RABGAP1L: variants seen among roughly 807,000 people sequenced by gnomAD.
RABGAP1L encodes RAB GTPase activating protein 1 like.
Under a neutral mutation model 137.7 loss-of-function variants are expected in RABGAP1L, and 63 were observed. That is an observed-to-expected ratio of 0.46 (90% CI 0.37 to 0.56). The LOEUF (loss-of-function observed/expected upper bound fraction) is 0.56, where lower values mean the gene tolerates loss of function less well. Among genes scored for constraint, RABGAP1L ranks in the 20% least tolerant of loss-of-function variants. The pLI is 0.00. For synonymous variants in RABGAP1L, 431 were observed against 433.7 expected (o/e 0.99, Z 0.08); for missense variants, 1,095 against 1,244.0 (o/e 0.88, Z 1.80).
intron 19 of RABGAP1L, among the ~76,000 whole-genome samples, chr1:174,913,522 G>C (rs1362546397): frequency 6.6e-6 from 1 of 152,230 alleles, no homozygotes; most frequent in East Asian, 1.9e-4. Flanking sequence ...AGGTAAATAT[G>C]TTTAGCAAAG....
At chr1:174,630,150 A>G (rs977244874) in intron 13 of RABGAP1L, among the ~76,000 whole-genome samples, 1 of 151,550 alleles carries the variant, frequency 6.6e-6, no homozygotes, top group African/African-American at 2.4e-5. Context: ...TATTGAGATA[A>G]TCGTGGTTTT....
chr1:174,619,799 TA>T (rs1363638868), intron 13 of RABGAP1L, among the ~76,000 whole-genome samples: 1 of 152,176 alleles, frequency 6.6e-6, no homozygotes, highest in Non-Finnish European at 1.5e-5. Context: ...ATATTAACTT[TA>T]CATGTAAATG....
chr1:174,800,298 C>T (rs931510722), intron 18 of RABGAP1L: 70 of 1,537,706 alleles, frequency 4.6e-5, no homozygotes, highest in Non-Finnish European at 5.7e-5. Context: ...GATAAGAGAT[C>T]CATCTTTCTC....
intron 14 of RABGAP1L, among the ~76,000 whole-genome samples, chr1:174,671,640 A>G (rs1677183319): frequency 6.6e-6 from 1 of 152,146 alleles, no homozygotes. Context: ...TCATCCTTGC[A>G]TCCCTGGGAT....
intron 1 of RABGAP1L, among the ~76,000 whole-genome samples, chr1:174,202,345 A>G (rs1340324539): frequency 3.3e-5 from 5 of 152,156 alleles, no homozygotes; most frequent in Non-Finnish European, 7.3e-5. Flanking sequence ...TTCCCATTCT[A>G]ACTGGTGTGA....
intron 18 of RABGAP1L, among the ~76,000 whole-genome samples, chr1:174,766,620 C>T (rs529403369): frequency 6.6e-6 from 1 of 152,286 alleles, no homozygotes; most frequent in South Asian, 2.1e-4. Flanking sequence ...TTGTCAGTTT[C>T]TGCCAAAAAG....
chr1:174,823,736 T>G (rs1299004081), intron 19 of RABGAP1L, among the ~76,000 whole-genome samples: 1 of 152,182 alleles, frequency 6.6e-6, no homozygotes, highest in Non-Finnish European at 1.5e-5. Context: ...AATTGACACA[T>G]GTTTGAGGTG....
intron 13 of RABGAP1L, among the ~76,000 whole-genome samples, chr1:174,540,287 C>G (rs1005225249): frequency 7.9e-5 from 12 of 152,124 alleles, no homozygotes; most frequent in Non-Finnish European, 1.5e-4. Flanking sequence ...TGCAGAAGCT[C>G]TTTAGTTTAA....
chr1:174,336,458 G>A (rs980762629), intron 11 of RABGAP1L, among the ~76,000 whole-genome samples: 2 of 152,296 alleles, frequency 1.3e-5, no homozygotes, highest in Non-Finnish European at 2.9e-5. Context: ...AAAGGAACTA[G>A]AGGATATAGA....
chr1:174,720,641 GA>G (rs1681449528), intron 17 of RABGAP1L, among the ~76,000 whole-genome samples: 1 of 152,036 alleles, frequency 6.6e-6, no homozygotes, highest in South Asian at 2.1e-4. Flanking sequence ...ACTTATAAAA[GA>G]ATGAAGTTGC....
intron 11 of RABGAP1L, among the ~76,000 whole-genome samples, chr1:174,350,190 C>T (rs1682996404): frequency 2.4e-5 from 1 of 42,422 alleles, no homozygotes; most frequent in Non-Finnish European, 4.2e-5. Context: ...GGGGGGCTGA[C>T]CCCCCCCCCA....
At chr1:174,616,881 A>G (rs1017103364) in intron 13 of RABGAP1L, among the ~76,000 whole-genome samples, 1 of 152,182 alleles carries the variant, frequency 6.6e-6, no homozygotes, top group African/African-American at 2.4e-5. Context: ...TATGTTCTGA[A>G]AAAGCATCTC....
At position 174,448,549 on chromosome 1, in the gene RABGAP1L, T is replaced by C; in HGVS notation, c.1710+54404T>C. 3 of 1,612,858 alleles carry C rather than the reference T, an allele frequency of 1.9e-6. No homozygotes were observed. Among genetic ancestry groups the C allele is most frequent in the Non-Finnish European group, 2.5e-6 (3 of 1,179,190 alleles). On this transcript the variant is annotated intron_variant, in intron 13 of 25. Coordinates refer to ENST00000681986, the MANE Select transcript of RABGAP1L (RefSeq NM_001366446.1). This position sits in a 1 kb window ranked among gnomAD's most constrained non-coding sequence, Gnocchi z 4.2. ...ATCGTTATCTTGCAATAACCAAGCC[T>C]CTTTCCTACAATCAACTGGTCACCC...
rs547302270 is a variant in RABGAP1L, at chr1:174,502,574, C to T, written c.1710+108429C>T. On this transcript the variant is annotated intron_variant, in intron 13 of 25. Coordinates refer to ENST00000681986, the MANE Select transcript of RABGAP1L (RefSeq NM_001366446.1). ...CAGAGATAATGCAGAAGAAAGTACA[C>T]GGTATATATATATATATATATATGT... 7.4e-4 allele frequency among the ~76,000 whole-genome samples: 50 copies of T among 67,988 alleles called. 1 individual carries two copies. The Admixed American group carries it at 7.6e-3, about 10-fold the overall frequency. The allele number at this position is 67,988 out of a possible 152,430, so 44.6% of individuals were successfully genotyped here. A position where few individuals can be genotyped will look rare whatever the true frequency, so the allele number is the denominator to read the frequency against.
chr1:174,476,459 A>T (rs185922751), intron 13 of RABGAP1L, among the ~76,000 whole-genome samples: 9 of 152,330 alleles, frequency 5.9e-5, no homozygotes, highest in Admixed American at 5.9e-4. Flanking sequence ...TATTAAAGTA[A>T]AAGACAAAAC....
intron 11 of RABGAP1L, among the ~76,000 whole-genome samples, chr1:174,323,886 T>C (rs1350307680): frequency 6.6e-6 from 1 of 152,156 alleles, no homozygotes; most frequent in African/African-American, 2.4e-5. Flanking sequence ...GAAAAGGTAT[T>C]TTATGATCCA....
intron 13 of RABGAP1L, among the ~76,000 whole-genome samples, chr1:174,514,260 A>C (rs1407879747): frequency 2.0e-5 from 3 of 151,122 alleles, no homozygotes; most frequent in Non-Finnish European, 4.4e-5. Flanking sequence ...AAAAAAAAAA[A>C]AAAAAAAAAA....
At chr1:174,880,710 C>A (rs547699070) in intron 19 of RABGAP1L, among the ~76,000 whole-genome samples, 26 of 152,026 alleles carry the variant, frequency 1.7e-4, no homozygotes, top group Non-Finnish European at 8.8e-5. Flanking sequence ...CCACCTCAGC[C>A]TCTCCTGAGT....
intron 13 of RABGAP1L, among the ~76,000 whole-genome samples, chr1:174,460,446 A>G (rs1406816047): frequency 6.6e-6 from 1 of 152,024 alleles, no homozygotes; most frequent in Non-Finnish European, 1.5e-5. Flanking sequence ...GGCTTTTTCT[A>G]AAGGATTTTT....
Sources: allele counts gnomAD v4.1 joint callset (sites outside exome capture counted in the v4.1 genomes callset), GRCh38; gene constraint gnomAD v4.1.1; non-coding constraint Gnocchi (gnomAD v3.1); transcripts MANE v1.5; gene names NCBI Gene and HGNC (gene_info 2026-07-23, HGNC 2026-07-21).